GPC6: variants seen among roughly 807,000 people sequenced by gnomAD.
GPC6 encodes the protein glypican 6.
Under a neutral mutation model 55.2 loss-of-function variants are expected in GPC6, and 14 were observed. The ratio of observed to expected loss-of-function variants is 0.25; its 90% CI spans 0.17 to 0.40. GPC6 has a LOEUF of 0.40. Ranked by LOEUF, GPC6 falls within the 10% of genes least tolerant of loss-of-function variation. The probability of loss-of-function intolerance (pLI) is 1.00; values close to 1 mark genes in which losing one functional copy is unlikely to be tolerated. For synonymous variants in GPC6, 278 were observed against 259.6 expected, an observed-to-expected ratio of 1.07 and a Z score of -0.68; for missense variants, 641 against 708.5, an observed-to-expected ratio of 0.90 and a Z score of 1.08.
At chr13:94,156,899 A>C (rs1593997955) in intron 4 of GPC6, among the ~76,000 whole-genome samples, 1 of 152,178 alleles carries the variant, frequency 6.6e-6, no homozygotes, top group Admixed American at 6.6e-5. Flanking sequence ...ATTAAGTGTT[A>C]ACATTTTATA....
At chr13:94,282,256 G>A (rs1185157003) in intron 4 of GPC6, among the ~76,000 whole-genome samples, 17 of 152,142 alleles carry the variant, frequency 1.1e-4, no homozygotes, top group Admixed American at 1.1e-3. Context: ...CTGGGGAAAT[G>A]CAGAATCATT....
intron 4 of GPC6, among the ~76,000 whole-genome samples, chr13:94,152,759 C>T (rs1229205002): frequency 6.6e-6 from 1 of 152,094 alleles, no homozygotes; most frequent in African/African-American, 2.4e-5. Flanking sequence ...AAGTGAAGAA[C>T]AGTAATTTAC....
chr13:93,933,336 G>C (rs1156838717), intron 3 of GPC6, among the ~76,000 whole-genome samples: 1 of 152,000 alleles, frequency 6.6e-6, no homozygotes, highest in Non-Finnish European at 1.5e-5. Flanking sequence ...GCTGGGATAG[G>C]CTCCTACAAC....
At chr13:94,101,692 A>G (rs1201147401) in intron 4 of GPC6, among the ~76,000 whole-genome samples, 1 of 152,172 alleles carries the variant, frequency 6.6e-6, no homozygotes, top group Non-Finnish European at 1.5e-5. Context: ...TCTGTGAGTG[A>G]AAAAGCAATA....
chr13:93,344,983 C>CT (rs1188120771), intron 1 of GPC6, among the ~76,000 whole-genome samples: 1 of 152,052 alleles, frequency 6.6e-6, no homozygotes, highest in Non-Finnish European at 1.5e-5. Flanking sequence ...TGATGTCATG[C>CT]TTTTTTATTC....
At chr13:93,411,745 A>C (rs1009087164) in intron 1 of GPC6, among the ~76,000 whole-genome samples, 10 of 152,148 alleles carry the variant, frequency 6.6e-5, no homozygotes, top group Non-Finnish European at 1.3e-4. Flanking sequence ...TCACTCCTGT[A>C]ATCTCAGCAC....
chr13:93,756,027 T>G (rs1394571439), intron 2 of GPC6, among the ~76,000 whole-genome samples: 1 of 152,158 alleles, frequency 6.6e-6, no homozygotes, highest in Admixed American at 6.6e-5. Context: ...AAAAATAGCT[T>G]ACATTTTTAG....
chr13:93,258,512 A>G (rs1164080856), intron 1 of GPC6, among the ~76,000 whole-genome samples: 1 of 151,994 alleles, frequency 6.6e-6, no homozygotes. Flanking sequence ...TTCCTATCCT[A>G]GTTCTTCACC....
At chr13:93,480,557 A>G (rs1293288770) in intron 1 of GPC6, among the ~76,000 whole-genome samples, 1 of 152,164 alleles carries the variant, frequency 6.6e-6, no homozygotes, top group Admixed American at 6.5e-5. Context: ...TGGTTTTAAT[A>G]TATTAATAAA....
intron 4 of GPC6, among the ~76,000 whole-genome samples, chr13:94,199,476 TC>T (rs1012503718): frequency 5.3e-5 from 8 of 152,136 alleles, no homozygotes; most frequent in African/African-American, 1.9e-4. Flanking sequence ...AGTTTCCTCA[TC>T]TGTAAATTTG....
intron 4 of GPC6, among the ~76,000 whole-genome samples, chr13:94,143,919 T>C (rs1593981667): frequency 6.6e-6 from 1 of 152,224 alleles, no homozygotes; most frequent in South Asian, 2.1e-4. Flanking sequence ...TTATAGCAAT[T>C]GAAAGTAAGG....
intron 1 of GPC6, among the ~76,000 whole-genome samples, chr13:93,446,704 A>G (rs560920730): frequency 6.6e-6 from 1 of 152,306 alleles, no homozygotes; most frequent in African/African-American, 2.4e-5. Context: ...TAACAATGTG[A>G]CTGAAAGATA....
chr13:94,285,660 G>A (rs1032530771), intron 4 of GPC6, among the ~76,000 whole-genome samples: 3 of 152,132 alleles, frequency 2.0e-5, no homozygotes, highest in Admixed American at 1.3e-4. Flanking sequence ...TATAGCTGAT[G>A]TCTTCAACAG....
chr13:93,388,014 G>C (rs1436407456), intron 1 of GPC6, among the ~76,000 whole-genome samples: 1 of 152,070 alleles, frequency 6.6e-6, no homozygotes, highest in Non-Finnish European at 1.5e-5. Flanking sequence ...CTATGGGGCA[G>C]GAATTCTGCC....
In GPC6 at chr13:94,403,046, T is replaced by C. The variant is rs200943831; in HGVS notation, c.1497T>C (p.Ser499=). Residue 499 remains serine, a synonymous_variant, in exon 9 of 9, where the codon AGT becomes AGC. Transcript: ENST00000377047. ...AATCCAGTGGCTCAGGGAGTGGCAG[T>C]GGGTGCATGGATGACGTGTGTCCCA... ...SDESSGSGSG[S]GCMDDVCPTE... 6.2e-7 allele frequency: 1 copy of C among 1,613,614 alleles called. No individual in the cohort carries two copies. Among genetic ancestry groups the C allele is most frequent in the Admixed American group, 1.7e-5 (1 of 60,022 alleles).
At chr13:93,730,006 G>T (rs547569369) in intron 2 of GPC6, among the ~76,000 whole-genome samples, 126 of 152,270 alleles carry the variant, frequency 8.3e-4, no homozygotes, top group African/African-American at 2.9e-3. Flanking sequence ...CTGATGATTG[G>T]GAAGGGAGTG....
chr13:93,972,538 G>C (rs1952837593), intron 3 of GPC6, among the ~76,000 whole-genome samples: 1 of 152,230 alleles, frequency 6.6e-6, no homozygotes, highest in Middle Eastern at 3.4e-3. Flanking sequence ...ATTGCTCTCT[G>C]TTGGAATCTG....
At chr13:93,561,607 A>G (rs1383590936) in intron 2 of GPC6, among the ~76,000 whole-genome samples, 1 of 152,024 alleles carries the variant, frequency 6.6e-6, no homozygotes, top group African/African-American at 2.4e-5. Context: ...TTGCAAAACA[A>G]GCCCAGGCTA....
intron 2 of GPC6, among the ~76,000 whole-genome samples, chr13:93,656,224 A>G (rs2139605821): frequency 6.6e-6 from 1 of 152,296 alleles, no homozygotes; most frequent in African/African-American, 2.4e-5. Flanking sequence ...AACATATTGG[A>G]TAATGTAAAC....
Sources: gnomAD v4.1 joint callset for allele counts (sites outside exome capture counted in the v4.1 genomes callset) on GRCh38, gnomAD v4.1.1 for gene constraint, MANE v1.5 for transcripts, NCBI Gene and HGNC (gene_info 2026-07-23, HGNC 2026-07-21) for gene names.